Variants in LPXN observed in about 807,000 individuals in gnomAD.
LPXN encodes the protein leupaxin.
LPXN carries 28 observed loss-of-function variants against 45.6 expected under a neutral mutation model. That is an observed-to-expected ratio of 0.61 (90% CI 0.45 to 0.84). LPXN has a LOEUF of 0.84. Among genes scored for constraint, LPXN ranks in the 40% least tolerant of loss-of-function variants. LPXN has a pLI of 0.00. For missense variants in LPXN, 459 were observed against 475.0 expected, an observed-to-expected ratio of 0.97 and a Z score of 0.31; for synonymous variants, 166 against 169.9, an observed-to-expected ratio of 0.98 and a Z score of 0.18.
upstream of LPXN, chr11:58,577,866 A>T: frequency 2.4e-6 from 2 of 843,182 alleles, no homozygotes; most frequent in Non-Finnish European, 3.5e-6. Context: ...AACAAGGTCT[A>T]GTAGAAAAGC....
At chr11:58,543,615 A>T (rs1176629206) in intron 7 of LPXN, among the ~76,000 whole-genome samples, 2 of 152,182 alleles carry the variant, frequency 1.3e-5, no homozygotes, top group East Asian at 3.9e-4. Context: ...TAGAGAATTT[A>T]CACCTGACTA....
At chr11:58,578,071 G>A (rs1854961284), upstream of LPXN, 8 of 1,549,820 alleles carry the variant, frequency 5.2e-6, no homozygotes, top group African/African-American at 1.4e-5. Flanking sequence ...CAGTCCCAGA[G>A]GAGGTGTCAT....
intron 7 of LPXN, among the ~76,000 whole-genome samples, chr11:58,533,122 A>C (rs1004108719): frequency 6.6e-6 from 1 of 152,172 alleles, no homozygotes; most frequent in Non-Finnish European, 1.5e-5. Context: ...AACATGTCTG[A>C]ACATCAGAAG....
chr11:58,542,448 G>T (rs765706942), intron 7 of LPXN, among the ~76,000 whole-genome samples: 81 of 151,012 alleles, frequency 5.4e-4, no homozygotes, highest in Non-Finnish European at 9.4e-4. Context: ...CTACATCAAG[G>T]TTTTTTTTAA....
intron 2 of LPXN, among the ~76,000 whole-genome samples, chr11:58,568,634 T>C (rs1164267287): frequency 1.3e-5 from 2 of 151,232 alleles, no homozygotes; most frequent in South Asian, 4.2e-4. Flanking sequence ...GTTCACTGAA[T>C]ATGTGTTTCA....
chr11:58,572,316 GATCT>G (rs1234788363), intron 1 of LPXN, among the ~76,000 whole-genome samples: 7 of 151,190 alleles, frequency 4.6e-5, no homozygotes, highest in Non-Finnish European at 1.0e-4. Flanking sequence ...GAAATATACA[GATCT>G]TTCATAATCA....
chr11:58,539,302 C>G (rs1487254660), intron 7 of LPXN, among the ~76,000 whole-genome samples: 1 of 152,104 alleles, frequency 6.6e-6, no homozygotes. Flanking sequence ...AGCATGAGAT[C>G]CTGTCTCTAT....
chr11:58,546,974 A>G (rs1411096333), intron 7 of LPXN, among the ~76,000 whole-genome samples: 1 of 152,160 alleles, frequency 6.6e-6, no homozygotes, highest in East Asian at 1.9e-4. Flanking sequence ...CACCACCAAG[A>G]AAGATGAGGT....
chr11:58,527,705 A>C lies in LPXN; in HGVS notation c.910T>G (p.Ser304Ala). ...TCCAGTTCAAAGAAGGAGCCAGTAG[A>C]AAAACTGGTGAAGCAGTCCTGGGGT... is the stretch of plus-strand genomic sequence containing the variant. ...FVCGDCFTSFSTGSFFELDGR... is the reference protein window; with the variant it reads ...FVCGDCFTSFATGSFFELDGR... Residue 304 changes from serine (S) to alanine (A), a missense_variant, in exon 9 of 9, where the codon TCT becomes GCT. Coordinates refer to ENST00000395074, the MANE Select transcript of LPXN (RefSeq NM_004811.3). The C allele has an allele frequency of 1.2e-6, 2 of 1,614,094 alleles. No individual in the cohort carries two copies. Among genetic ancestry groups the C allele is most frequent in the South Asian group, 2.2e-5 (2 of 91,086 alleles).
chr11:58,546,169 A>T (rs1853870875), intron 7 of LPXN, among the ~76,000 whole-genome samples: 1 of 152,210 alleles, frequency 6.6e-6, no homozygotes, highest in South Asian at 2.1e-4. Flanking sequence ...ACCTGGCTTA[A>T]CATAAATAAG....
chr11:58,536,193 C>T (rs1853548418), intron 7 of LPXN, among the ~76,000 whole-genome samples: 1 of 152,272 alleles, frequency 6.6e-6, no homozygotes, highest in Non-Finnish European at 1.5e-5. Flanking sequence ...ATAGAGCCTG[C>T]ATAGCCAAGA....
chr11:58,562,446 G>A (rs981731671), intron 3 of LPXN, among the ~76,000 whole-genome samples: 1 of 152,050 alleles, frequency 6.6e-6, no homozygotes, highest in Admixed American at 6.6e-5. Flanking sequence ...ATATTTACTA[G>A]GTCACCTGGA....
At chr11:58,557,107 G>A (rs1479508278) in intron 3 of LPXN, among the ~76,000 whole-genome samples, 2 of 152,078 alleles carry the variant, frequency 1.3e-5, no homozygotes, top group South Asian at 4.2e-4. Context: ...AATGTAGATT[G>A]TTACAGCCAT....
rs377606558 is a variant in LPXN, at chr11:58,528,058, C to T, written c.876G>A (p.Glu292=). ...TTATACAGACCCCACAAACAAAGCACTCTGGGTGCCAGACAGTGTCCATGG... is the reference window on the plus strand; with the variant it reads ...TTATACAGACCCCACAAACAAAGCATTCTGGGTGCCAGACAGTGTCCATGG... ...LSAMDTVWHP[E]CFVCGDCFTS... Residue 292 remains glutamate, a synonymous_variant, in exon 8 of 9, where the codon GAG becomes GAA. Transcript: ENST00000395074. 26 of 1,614,158 alleles carry T rather than the reference C, an allele frequency of 1.6e-5. No homozygotes were observed. Among genetic ancestry groups the T allele is most frequent in the African/African-American group, 1.3e-4 (10 of 75,070 alleles).
intron 3 of LPXN, among the ~76,000 whole-genome samples, chr11:58,558,374 C>T (rs1397483536): frequency 5.3e-5 from 8 of 150,964 alleles, no homozygotes; most frequent in Non-Finnish European, 7.4e-5. Context: ...CCTGTCTCTA[C>T]AAAAATTTAA....
At position 58,530,578 on chromosome 11, in the gene LPXN, T is replaced by TC. The variant is rs1471322248; in HGVS notation, c.743-2388dup. Among the ~76,000 whole-genome samples, 3 of 152,228 alleles carry TC rather than the reference T, an allele frequency of 2.0e-5. No homozygotes were observed. In the East Asian group the frequency reaches 5.8e-4, roughly 29 times the overall value. Reference sequence around the variant, plus strand: ...CAGGGGCTTATAGATAAAACCCCCATCTCCCTGGGACAGAGCACCCAGGGG... The same window carrying TC: ...CAGGGGCTTATAGATAAAACCCCCATCCTCCCTGGGACAGAGCACCCAGGGG... On this transcript the variant is annotated intron_variant, in intron 7 of 8. Transcript: ENST00000395074.
intron 7 of LPXN, among the ~76,000 whole-genome samples, chr11:58,542,178 C>A (rs894909720): frequency 6.6e-6 from 1 of 151,032 alleles, no homozygotes; most frequent in South Asian, 2.1e-4. Flanking sequence ...TACCCTAAAA[C>A]TTAAAGTATA....
intron 3 of LPXN, among the ~76,000 whole-genome samples, chr11:58,557,136 G>C (rs978794342): frequency 2.0e-5 from 3 of 152,086 alleles, no homozygotes; most frequent in African/African-American, 7.2e-5. Flanking sequence ...ATAATATGCA[G>C]GTTTCTAAAG....
At chr11:58,564,088 A>C in intron 3 of LPXN, 67 bp downstream of exon 3, 1 of 1,001,928 alleles carries the variant, frequency 1.0e-6, no homozygotes, top group Non-Finnish European at 1.5e-6. Flanking sequence ...TTATCACCCA[A>C]ACAAAGATTG....
Sources: allele counts gnomAD v4.1 joint callset (sites outside exome capture counted in the v4.1 genomes callset), GRCh38; gene constraint gnomAD v4.1.1; transcripts MANE v1.5; gene names NCBI Gene and HGNC (gene_info 2026-07-23, HGNC 2026-07-21).